Variants in HACE1 observed in about 807,000 individuals in gnomAD.
HACE1 encodes HECT domain and ankyrin repeat containing E3 ubiquitin protein ligase 1, also known as E3 ubiquitin-protein ligase HACE1.
Under a neutral mutation model 118.4 loss-of-function variants are expected in HACE1, and 73 were observed. The ratio of observed to expected loss-of-function variants is 0.62; its 90% CI spans 0.51 to 0.75. The LOEUF is 0.75. Ranked by LOEUF, HACE1 falls within the 30% of genes least tolerant of loss-of-function variation. The pLI, the probability that HACE1 is intolerant of heterozygous loss-of-function variation, is 0.00. For missense variants in HACE1, 749 were observed against 1,102.2 expected (o/e 0.68, Z 4.54); for synonymous variants, 368 against 374.8 (o/e 0.98, Z 0.21).
intron 5 of HACE1, among the ~76,000 whole-genome samples, chr6:104,841,627 G>T (rs1015394345): frequency 1.3e-5 from 2 of 152,090 alleles, no homozygotes; most frequent in African/African-American, 4.8e-5. Flanking sequence ...TTTTAGGAAA[G>T]TTGTTTTTCT....
intron 6 of HACE1, chr6:104,831,147 A>T (rs1002891549): frequency 1.3e-5 from 2 of 152,214 alleles, no homozygotes; most frequent in Non-Finnish European, 2.9e-5. Context: ...TTCAATCTAA[A>T]ATCTTAAGCC....
chr6:104,831,996 A>AAGAGAGGG (rs1774024517), intron 6 of HACE1, among the ~76,000 whole-genome samples: 1 of 122,088 alleles, frequency 8.2e-6, no homozygotes, highest in African/African-American at 2.9e-5. Context: ...GGAAGGAAGG[A>AAGAGAGGG]AGGAAGGAAG....
At chr6:104,753,656 T>C (rs1478020270) in intron 19 of HACE1, among the ~76,000 whole-genome samples, 1 of 152,058 alleles carries the variant, frequency 6.6e-6, no homozygotes, top group African/African-American at 2.4e-5. Flanking sequence ...CAGCCCTATA[T>C]ACAGTAAAGT....
At chr6:104,785,685 A>ACTG in intron 11 of HACE1, 2 of 194,120 alleles carry the variant, frequency 1.0e-5, no homozygotes, top group East Asian at 1.4e-4. Context: ...CTGTATTAAT[A>ACTG]TGATCAATGT....
intron 20 of HACE1, among the ~76,000 whole-genome samples, chr6:104,746,807 A>T (rs1454374433): frequency 6.6e-6 from 1 of 152,214 alleles, no homozygotes; most frequent in Non-Finnish European, 1.5e-5. Context: ...GCTAAAAGGG[A>T]GTGGGACAGG....
rs185609849 is a variant in HACE1 at position 104,857,166 on chromosome 6, T to C, written c.76+2401A>G. ...AATGTTATATATATATTTACATATA[T>C]ATATTTATTTACATATATATTTACA... On this transcript the variant is annotated intron_variant, in intron 1 of 23. Coordinates refer to ENST00000262903, the MANE Select transcript of HACE1 (RefSeq NM_020771.4). Among the ~76,000 whole-genome samples, 548 of 147,800 alleles carry C rather than the reference T, an allele frequency of 3.7e-3. 3 individuals are homozygous for C. The highest frequency in any genetic ancestry group is 5.8e-3 in the Non-Finnish European group (391 of 67,086).
chr6:104,818,652 A>C (rs2115005269), intron 6 of HACE1, among the ~76,000 whole-genome samples: 1 of 152,268 alleles, frequency 6.6e-6, no homozygotes, highest in South Asian at 2.1e-4. Context: ...TGGCAAGCAG[A>C]ATCCAGCAGC....
intron 1 of HACE1, among the ~76,000 whole-genome samples, chr6:104,852,832 T>C (rs1776375660): frequency 6.6e-6 from 1 of 152,168 alleles, no homozygotes; most frequent in Non-Finnish European, 1.5e-5. Flanking sequence ...GGATATTAAA[T>C]ATATATATGC....
intron 22 of HACE1, chr6:104,731,454 C>T (rs1236947206): frequency 6.6e-6 from 1 of 152,006 alleles, no homozygotes; most frequent in Non-Finnish European, 1.5e-5. Context: ...CTCACATATC[C>T]TGATTTGAAA....
chr6:104,836,540 C>A (rs563971119), intron 5 of HACE1, among the ~76,000 whole-genome samples: 6 of 152,022 alleles, frequency 3.9e-5, no homozygotes, highest in African/African-American at 1.2e-4. Context: ...AGGTGTAACC[C>A]CGTCTCTATT....
intron 11 of HACE1, among the ~76,000 whole-genome samples, chr6:104,789,789 G>T (rs145476993): frequency 3.9e-4 from 59 of 152,204 alleles, no homozygotes; most frequent in African/African-American, 1.3e-3. Context: ...CTGATGAGTA[G>T]AAAGTATGAG....
chr6:104,819,435 T>C (rs998008201), intron 6 of HACE1, among the ~76,000 whole-genome samples: 1 of 152,096 alleles, frequency 6.6e-6, no homozygotes, highest in Non-Finnish European at 1.5e-5. Context: ...ACAGGAAGAA[T>C]CAGTATCAAT....
chr6:104,805,539 T>C (rs1770897223), intron 7 of HACE1, among the ~76,000 whole-genome samples: 1 of 149,846 alleles, frequency 6.7e-6, no homozygotes, highest in Non-Finnish European at 1.5e-5. Flanking sequence ...AAAGGAGGAG[T>C]TCATGTCCTT....
At chr6:104,816,667 A>G (rs948772680) in intron 6 of HACE1, among the ~76,000 whole-genome samples, 1 of 152,172 alleles carries the variant, frequency 6.6e-6, no homozygotes, top group African/African-American at 2.4e-5. Flanking sequence ...CATACAGGGC[A>G]CTGTCTAGTA....
At chr6:104,812,323 G>C (rs980806177) in intron 6 of HACE1, among the ~76,000 whole-genome samples, 1 of 152,052 alleles carries the variant, frequency 6.6e-6, no homozygotes, top group African/African-American at 2.4e-5. Context: ...CATCATAGTA[G>C]TAGGCCTAGC....
chr6:104,746,180 T>A (rs1313340308), intron 20 of HACE1, among the ~76,000 whole-genome samples: 1 of 152,220 alleles, frequency 6.6e-6, no homozygotes, highest in Non-Finnish European at 1.5e-5. Context: ...ATTTTACATT[T>A]CTGTTTTAAT....
intron 10 of HACE1, among the ~76,000 whole-genome samples, chr6:104,793,595 C>A (rs776506073): frequency 5.9e-5 from 9 of 152,096 alleles, no homozygotes; most frequent in East Asian, 1.9e-4. Context: ...TTAGTTGTCA[C>A]TAATTAACAT....
At chr6:104,811,506 T>C (rs1004083203) in intron 6 of HACE1, 113 bp from the exon 7 acceptor site, 26 of 626,916 alleles carry the variant, frequency 4.1e-5, no homozygotes, top group Non-Finnish European at 4.6e-5. Flanking sequence ...AAGCTTTACA[T>C]AGGAACTGAG....
intron 17 of HACE1, among the ~76,000 whole-genome samples, chr6:104,772,982 C>A (rs1298746968): frequency 6.6e-6 from 1 of 151,630 alleles, no homozygotes; most frequent in Admixed American, 6.6e-5. Context: ...CTGAATTGTA[C>A]ACTTTCAATA....
Sources: allele counts gnomAD v4.1 joint callset (sites outside exome capture counted in the v4.1 genomes callset), GRCh38; gene constraint gnomAD v4.1.1; transcripts MANE v1.5; gene names NCBI Gene and HGNC (gene_info 2026-07-23, HGNC 2026-07-21).